Variants in RBFOX1 observed in about 807,000 individuals in gnomAD.
The protein encoded by RBFOX1 is RNA binding protein fox-1 homolog 1.
Under a neutral mutation model 57.7 loss-of-function variants are expected in RBFOX1, and 8 were observed. The observed-to-expected ratio is 0.14, with a 90% confidence interval of 0.08 to 0.25. The LOEUF is 0.25. RBFOX1 is among the 10% of genes least tolerant of loss of function. The pLI is 1.00. For synonymous variants in RBFOX1, 326 were observed against 222.4 expected, an observed-to-expected ratio of 1.47 and a Z score of -4.15; for missense variants, 611 against 548.5, an observed-to-expected ratio of 1.11 and a Z score of -1.14.
intron 3 of RBFOX1, among the ~76,000 whole-genome samples, chr16:6,794,409 C>G: frequency 6.6e-6 from 1 of 151,198 alleles, no homozygotes; most frequent in East Asian, 2.0e-4. Flanking sequence ...GTTTAATTAC[C>G]TGCTGCTTTT....
In RBFOX1 at chr16:5,984,971, TA is replaced by T. The variant is rs1200908052; in HGVS notation, c.351+117637del. Among the ~76,000 whole-genome samples, 413 of 53,728 alleles carry T rather than the reference TA, an allele frequency of 7.7e-3. 4 individuals carry two copies. Among genetic ancestry groups the T allele is most frequent in the Admixed American group, 0.026 (118 of 4,624 alleles). The allele number at this position is 53,728 out of a possible 152,430, so 35.2% of individuals were successfully genotyped here. A position where few individuals can be genotyped will look rare whatever the true frequency, so the allele number is the denominator to read the frequency against. ...TTATATATATATATATATATATATA[TA>T]TATATTTTTTTTTTTTTTTTTTTTC... On this transcript the variant is annotated intron_variant, in intron 4 of 19. Transcript: ENST00000641259.
intron 4 of RBFOX1, among the ~76,000 whole-genome samples, chr16:7,484,536 C>T (rs1297014578): frequency 6.6e-6 from 1 of 152,188 alleles, no homozygotes; most frequent in Non-Finnish European, 1.5e-5. Flanking sequence ...GATCTCAGCT[C>T]ACTGCAACTT....
At chr16:7,396,631 A>G (rs1449935791) in intron 4 of RBFOX1, among the ~76,000 whole-genome samples, 1 of 152,206 alleles carries the variant, frequency 6.6e-6, no homozygotes, top group Admixed American at 6.5e-5. Context: ...GGAAATAAGG[A>G]CAACACTTCT....
At chr16:7,373,892 C>T (rs531590395) in intron 4 of RBFOX1, among the ~76,000 whole-genome samples, 3 of 152,152 alleles carry the variant, frequency 2.0e-5, no homozygotes, top group Admixed American at 6.5e-5. Context: ...ATTCTCATTC[C>T]ACTCAAATCT....
At chr16:6,718,446 G>T (rs1240893706) in intron 3 of RBFOX1, among the ~76,000 whole-genome samples, 1 of 152,196 alleles carries the variant, frequency 6.6e-6, no homozygotes, top group African/African-American at 2.4e-5. Flanking sequence ...ATGCGAGTAA[G>T]AGTAATTGAT....
chr16:7,314,015 G>C (rs893093252), intron 4 of RBFOX1, among the ~76,000 whole-genome samples: 1 of 148,608 alleles, frequency 6.7e-6, no homozygotes, highest in East Asian at 2.0e-4. Context: ...CAGGCGACCT[G>C]TCAACTTTGA....
At chr16:6,902,179 A>G (rs542874185) in intron 3 of RBFOX1, among the ~76,000 whole-genome samples, 1 of 152,056 alleles carries the variant, frequency 6.6e-6, no homozygotes, top group African/African-American at 2.4e-5. Context: ...TCATTGTTCT[A>G]CCTCATGTGG....
chr16:6,920,769 T>TTC (rs2074285329), intron 3 of RBFOX1, among the ~76,000 whole-genome samples: 1 of 152,206 alleles, frequency 6.6e-6, no homozygotes, highest in Non-Finnish European at 1.5e-5. Flanking sequence ...TCTGTCTCTG[T>TTC]GTGTGTCTTC....
chr16:7,420,768 C>A (rs895925999), intron 4 of RBFOX1, among the ~76,000 whole-genome samples: 1 of 147,086 alleles, frequency 6.8e-6, no homozygotes, highest in Non-Finnish European at 1.5e-5. Context: ...TTATATTGAT[C>A]TTTTTTTTTT....
At chr16:5,365,218 C>T (rs929202169) in intron 1 of RBFOX1, among the ~76,000 whole-genome samples, 3 of 152,094 alleles carry the variant, frequency 2.0e-5, no homozygotes, top group Admixed American at 6.5e-5. Flanking sequence ...GGTTGAGGGT[C>T]GTTCTGGGAG....
At chr16:6,883,792 A>AC (rs1402646411) in intron 3 of RBFOX1, among the ~76,000 whole-genome samples, 3 of 151,940 alleles carry the variant, frequency 2.0e-5, no homozygotes, top group African/African-American at 7.2e-5. Context: ...GTTAGTGAAG[A>AC]GGTTTTTTTT....
intron 1 of RBFOX1, among the ~76,000 whole-genome samples, chr16:6,058,886 A>G (rs1230598497): frequency 2.0e-5 from 3 of 150,372 alleles, no homozygotes; most frequent in Non-Finnish European, 4.4e-5. Flanking sequence ...CCATCCAGCT[A>G]TCATGTATAC....
intron 4 of RBFOX1, among the ~76,000 whole-genome samples, chr16:7,470,590 G>T (rs1349207167): frequency 6.6e-6 from 1 of 151,902 alleles, no homozygotes; most frequent in Non-Finnish European, 1.5e-5. Flanking sequence ...ATGGATGGAT[G>T]GGCGGATGGA....
chr16:6,670,927 G>T (rs1470384210), intron 3 of RBFOX1, among the ~76,000 whole-genome samples: 1 of 152,114 alleles, frequency 6.6e-6, no homozygotes, highest in Admixed American at 6.5e-5. Context: ...GTGAACCCAG[G>T]AGGCGGAGCT....
intron 14 of RBFOX1, among the ~76,000 whole-genome samples, chr16:7,688,826 TTCTC>T (rs1431910572): frequency 3.3e-5 from 5 of 152,112 alleles, no homozygotes; most frequent in African/African-American, 9.7e-5. Context: ...TTTTAATTCT[TTCTC>T]TCAATTATTC....
intron 2 of RBFOX1, among the ~76,000 whole-genome samples, chr16:6,519,823 C>G (rs950250439): frequency 6.6e-6 from 1 of 152,202 alleles, no homozygotes; most frequent in Non-Finnish European, 1.5e-5. Context: ...TCTTCATTAT[C>G]TCCATTTCAT....
chr16:6,230,887 G>A (rs1021081924), intron 1 of RBFOX1, among the ~76,000 whole-genome samples: 6 of 152,152 alleles, frequency 3.9e-5, no homozygotes, highest in African/African-American at 1.2e-4. Context: ...TGACTGTATC[G>A]TGTGCCATCC....
At chr16:6,632,290 A>G (rs765266069) in intron 2 of RBFOX1, among the ~76,000 whole-genome samples, 8 of 152,098 alleles carry the variant, frequency 5.3e-5, no homozygotes, top group Non-Finnish European at 1.2e-4. Context: ...AGGTCAAAAC[A>G]TCTGTGAAAC....
chr16:5,522,126 A>G (rs1416064372), intron 2 of RBFOX1, among the ~76,000 whole-genome samples: 1 of 152,186 alleles, frequency 6.6e-6, no homozygotes, highest in East Asian at 1.9e-4. Context: ...ATGCTCCTTC[A>G]TTCACTTTTA....
Sources: gnomAD v4.1 joint callset for allele counts (sites outside exome capture counted in the v4.1 genomes callset) on GRCh38, gnomAD v4.1.1 for gene constraint, MANE v1.5 for transcripts, NCBI Gene and HGNC (gene_info 2026-07-23, HGNC 2026-07-21) for gene names.